The following HSD17B12 variants were observed in gnomAD, a reference collection of about 807,000 sequenced individuals.
HSD17B12 encodes the protein hydroxysteroid 17-beta dehydrogenase 12, also known as very-long-chain 3-oxoacyl-CoA reductase.
Under a neutral mutation model 39.3 loss-of-function variants are expected in HSD17B12, and 32 were observed. The observed-to-expected ratio is 0.81, with a 90% CI of 0.61 to 1.09. HSD17B12 has a LOEUF of 1.09. HSD17B12 is among the 50% of genes least tolerant of loss of function. The probability of loss-of-function intolerance (pLI) is 0.00; values close to 1 mark genes in which losing one functional copy is unlikely to be tolerated. For missense variants in HSD17B12, 342 were observed against 382.9 expected, an observed-to-expected ratio of 0.89 and a Z score of 0.89; for synonymous variants, 150 against 146.7, an observed-to-expected ratio of 1.02 and a Z score of -0.16.
intron 3 of HSD17B12, among the ~76,000 whole-genome samples, chr11:43,774,572 A>C (rs890365366): frequency 6.6e-6 from 1 of 152,062 alleles, no homozygotes; most frequent in Non-Finnish European, 1.5e-5. Flanking sequence ...GGGTCCAACA[A>C]CCCATGGACC....
chr11:43,785,351 T>A (rs1461183768), intron 3 of HSD17B12, among the ~76,000 whole-genome samples: 1 of 152,196 alleles, frequency 6.6e-6, no homozygotes, highest in African/African-American at 2.4e-5. Context: ...AAAGGTTGAA[T>A]ACAGCGACAG....
At chr11:43,768,986 C>T (rs1950624750) in intron 3 of HSD17B12, among the ~76,000 whole-genome samples, 1 of 152,218 alleles carries the variant, frequency 6.6e-6, no homozygotes, top group South Asian at 2.1e-4. Context: ...GAAAAGTTCA[C>T]GAAGTCCCCA....
At chr11:43,839,234 G>C (rs1951400544) in intron 8 of HSD17B12, among the ~76,000 whole-genome samples, 1 of 152,062 alleles carries the variant, frequency 6.6e-6, no homozygotes, top group Non-Finnish European at 1.5e-5. Flanking sequence ...AGTCACCACT[G>C]TCTTTTGAAA....
At chr11:43,683,119 T>C (rs1949767174) in intron 1 of HSD17B12, among the ~76,000 whole-genome samples, 1 of 147,210 alleles carries the variant, frequency 6.8e-6, no homozygotes, top group African/African-American at 2.5e-5. Flanking sequence ...TTTTTTTTTT[T>C]CTCTTTAAAA....
At chr11:43,736,972 C>A (rs534058462) in intron 1 of HSD17B12, among the ~76,000 whole-genome samples, 1 of 152,292 alleles carries the variant, frequency 6.6e-6, no homozygotes, top group African/African-American at 2.4e-5. Flanking sequence ...AAGAGGAATA[C>A]TGATGCAAGC....
the HSD17B12 span, among the ~76,000 whole-genome samples, chr11:43,591,233 G>T: frequency 6.6e-6 from 1 of 152,070 alleles, no homozygotes; most frequent in East Asian, 1.9e-4. Flanking sequence ...ATTAAAATTT[G>T]CTCAGTGTTG....
the HSD17B12 span, among the ~76,000 whole-genome samples, chr11:43,568,878 A>G: frequency 6.6e-6 from 1 of 152,338 alleles, no homozygotes; most frequent in African/African-American, 2.4e-5. Context: ...GGGCTAGTTC[A>G]TAATTGAGCT....
At chr11:43,583,517 G>T in the HSD17B12 span, among the ~76,000 whole-genome samples, 1,727 of 152,270 alleles carry the variant, frequency 0.011, 41 homozygotes, top group East Asian at 0.068. Context: ...CAAAGGAAGA[G>T]ACCCCTTCCC....
intron 1 of HSD17B12, among the ~76,000 whole-genome samples, chr11:43,729,427 G>T (rs1950249245): frequency 6.6e-6 from 1 of 152,150 alleles, no homozygotes; most frequent in Non-Finnish European, 1.5e-5. Flanking sequence ...ATAACTTCAG[G>T]CATCAGAGAA....
At chr11:43,567,209 G>C in the HSD17B12 span, among the ~76,000 whole-genome samples, 1 of 152,282 alleles carries the variant, frequency 6.6e-6, no homozygotes, top group East Asian at 1.9e-4. Flanking sequence ...TGTCACTCTA[G>C]ATATTTGTGG....
intron 1 of HSD17B12, among the ~76,000 whole-genome samples, chr11:43,696,191 T>C (rs1949909913): frequency 6.6e-6 from 1 of 152,178 alleles, no homozygotes; most frequent in Non-Finnish European, 1.5e-5. Flanking sequence ...TTCTTTTTTA[T>C]GGAGCAGATA....
chr11:43,809,649 T>C (rs1951051461), intron 4 of HSD17B12, among the ~76,000 whole-genome samples: 1 of 152,016 alleles, frequency 6.6e-6, no homozygotes, highest in Non-Finnish European at 1.5e-5. Context: ...AGAAACCCCG[T>C]CTCTACTAAA....
At chr11:43,627,957 T>G in the HSD17B12 span, among the ~76,000 whole-genome samples, 1 of 151,462 alleles carries the variant, frequency 6.6e-6, no homozygotes, top group Non-Finnish European at 1.5e-5. Context: ...AGTAATGACT[T>G]TTTTTTTAAT....
At chr11:43,644,355 G>A in the HSD17B12 span, 1 of 152,338 alleles carries the variant, frequency 6.6e-6, no homozygotes, top group Non-Finnish European at 1.5e-5. Flanking sequence ...GTTGCCAAGG[G>A]CCTGTTAGTT....
At chr11:43,793,713 G>A (rs780769670) in intron 3 of HSD17B12, among the ~76,000 whole-genome samples, 20 of 152,178 alleles carry the variant, frequency 1.3e-4, no homozygotes, top group Non-Finnish European at 2.9e-5. Flanking sequence ...TGAGGGTTCA[G>A]TTCCTTTTCT....
At chr11:43,735,903 T>G (rs1359329358) in intron 1 of HSD17B12, among the ~76,000 whole-genome samples, 2 of 152,120 alleles carry the variant, frequency 1.3e-5, no homozygotes, top group Non-Finnish European at 2.9e-5. Context: ...GCCACACGCT[T>G]TTAAACCATC....
At chr11:43,750,778 A>G in intron 1 of HSD17B12, 133 bp from the exon 2 acceptor site, 1 of 519,262 alleles carries the variant, frequency 1.9e-6, no homozygotes, top group South Asian at 4.0e-5. Context: ...TTAGATTTGA[A>G]CCGCTGGTAT....
At chr11:43,802,873 A>T (rs372349458) in intron 4 of HSD17B12, among the ~76,000 whole-genome samples, 2 of 152,212 alleles carry the variant, frequency 1.3e-5, no homozygotes, top group Admixed American at 6.5e-5. Flanking sequence ...CACAACTTTG[A>T]TTTTGATTTC....
At chr11:43,708,213 C>CT (rs1950032996) in intron 1 of HSD17B12, among the ~76,000 whole-genome samples, 1 of 152,150 alleles carries the variant, frequency 6.6e-6, no homozygotes, top group Non-Finnish European at 1.5e-5. Context: ...AATCACATTA[C>CT]TTTTAACACA....
Sources: gnomAD v4.1 joint callset for allele counts (sites outside exome capture counted in the v4.1 genomes callset) on GRCh38, gnomAD v4.1.1 for gene constraint, MANE v1.5 for transcripts, NCBI Gene and HGNC (gene_info 2026-07-23, HGNC 2026-07-21) for gene names.